Variants in SEL1L3 observed in about 807,000 individuals in gnomAD.
SEL1L3 encodes the protein SEL1L family member 3, also known as protein sel-1 homolog 3.
A neutral mutation model predicts 142.8 loss-of-function variants in SEL1L3; 76 were observed. The observed-to-expected ratio is 0.53, with a 90% CI of 0.44 to 0.64. SEL1L3 has a LOEUF of 0.64. Ranked by LOEUF, SEL1L3 falls within the 30% of genes least tolerant of loss-of-function variation. The pLI is 0.00. For missense variants in SEL1L3, 1,262 were observed against 1,381.7 expected (o/e 0.91, Z 1.37); for synonymous variants, 504 against 519.6 (o/e 0.97, Z 0.41).
rs1009889832 is a variant in SEL1L3, at chr4:25,828,871, G to A, written c.1157+1227C>T. 2.6e-5 allele frequency among the ~76,000 whole-genome samples: 4 copies of A among 152,304 alleles called. No homozygotes were observed. The East Asian group carries it at 5.8e-4, about 22-fold the overall frequency. ...CCTGCTGCAGTGAAATAACAGACTC[G>A]AAGAATAAAACACTCCTCATCCCAG... On this transcript the variant is annotated intron_variant, in intron 6 of 23. Transcript: ENST00000399878.
chr4:25,835,197 A>C lies in SEL1L3; in HGVS notation c.860T>G (p.Val287Gly). ...GCTCCCTTCTGCTACCCATCCTTAC[A>C]CTGGGTAATCCATCCTCTGGCGTCG... ...ATRRQRMDYP[V>G]FTVSLWLYLL... Residue 287 changes from valine (V) to glycine (G), a missense_variant and splice_region_variant, in exon 3 of 24, where the codon GTG becomes GGG. Transcript: ENST00000399878. 3 of 1,613,766 alleles carry C rather than the reference A, an allele frequency of 1.9e-6. No homozygotes were observed. The highest frequency in any genetic ancestry group is 2.5e-6 in the Non-Finnish European group (3 of 1,179,792).
intron 1 of SEL1L3, among the ~76,000 whole-genome samples, chr4:25,852,308 A>G (rs1229963498): frequency 1.3e-5 from 2 of 152,016 alleles, no homozygotes; most frequent in African/African-American, 4.8e-5. Context: ...ACCCACTCCC[A>G]CCTTCCCCAC....
intron 1 of SEL1L3, among the ~76,000 whole-genome samples, chr4:25,858,876 G>A (rs917005044): frequency 2.0e-5 from 3 of 152,246 alleles, no homozygotes; most frequent in Middle Eastern, 3.4e-3. Context: ...AAGACACCGC[G>A]CCCAGCCTCT....
intron 11 of SEL1L3, among the ~76,000 whole-genome samples, chr4:25,792,559 C>T (rs1262743518): frequency 6.6e-6 from 1 of 152,220 alleles, no homozygotes; most frequent in African/African-American, 2.4e-5. Flanking sequence ...TGTGCTGAAG[C>T]CTGAGCTGCC....
intron 1 of SEL1L3, among the ~76,000 whole-genome samples, chr4:25,852,004 G>C (rs1716937732): frequency 6.6e-6 from 1 of 151,920 alleles, no homozygotes; most frequent in Non-Finnish European, 1.5e-5. Context: ...TGTGGGAAGA[G>C]ATATATAAAG....
At chr4:25,856,593 TAA>T (rs397765802) in intron 1 of SEL1L3, among the ~76,000 whole-genome samples, 1,910 of 117,066 alleles carry the variant, frequency 0.016, 44 homozygotes, top group African/African-American at 0.049. Context: ...GTATTGTAAT[TAA>T]AAAAAAAAAA....
intron 15 of SEL1L3, among the ~76,000 whole-genome samples, chr4:25,780,099 C>T (rs1235101413): frequency 6.6e-6 from 1 of 152,176 alleles, no homozygotes; most frequent in African/African-American, 2.4e-5. Context: ...ATAAATGCCA[C>T]TTCCATTCTT....
rs73103938 is a variant in SEL1L3, at chr4:25,782,495, G to A, written c.2281-77C>T. ...AGCTCTGGAAGCAATTATTGTGGAA[G>A]CATTCTGCCTAAGTCTGAACAAAAC... On this transcript the variant is annotated intron_variant, in intron 14 of 23. Coordinates refer to ENST00000399878, the MANE Select transcript of SEL1L3 (RefSeq NM_015187.5). The A allele has an allele frequency of 5.8e-3, 7,462 of 1,289,982 alleles. 197 individuals carry two copies. In the African/African-American group the frequency reaches 0.077, roughly 13 times the overall value. The allele number at this position is 1,289,982 out of a possible 1,614,324, so 79.9% of individuals were successfully genotyped here.
At chr4:25,772,363 T>C (rs963627849) in intron 17 of SEL1L3, among the ~76,000 whole-genome samples, 4 of 152,032 alleles carry the variant, frequency 2.6e-5, no homozygotes, top group Non-Finnish European at 4.4e-5. Flanking sequence ...TATGGAGAAA[T>C]AGAAATTTAT....
At chr4:25,728,587 A>T in the SEL1L3 span, among the ~76,000 whole-genome samples, 115,921 of 151,972 alleles carry the variant, frequency 0.76, 44,666 homozygotes, top group African/African-American at 0.86. Flanking sequence ...CCCATACCTA[A>T]GGCTATCTTG....
At chr4:25,816,310 G>T (rs1714389019) in intron 9 of SEL1L3, among the ~76,000 whole-genome samples, 1 of 151,806 alleles carries the variant, frequency 6.6e-6, no homozygotes, top group Non-Finnish European at 1.5e-5. Flanking sequence ...GGAAACTAAG[G>T]CTCAGAGAAA....
the SEL1L3 span, among the ~76,000 whole-genome samples, chr4:25,732,579 A>G: frequency 6.6e-6 from 1 of 152,204 alleles, no homozygotes; most frequent in East Asian, 1.9e-4. Flanking sequence ...TCATTGAATG[A>G]TGACGTTCAG....
intron 1 of SEL1L3, among the ~76,000 whole-genome samples, chr4:25,849,251 T>C (rs1012517861): frequency 6.6e-6 from 1 of 152,190 alleles, no homozygotes; most frequent in African/African-American, 2.4e-5. Context: ...CATAACAGCA[T>C]TACTCACGCT....
chr4:25,714,067 C>T, the SEL1L3 span, among the ~76,000 whole-genome samples: 2 of 152,132 alleles, frequency 1.3e-5, no homozygotes, highest in Non-Finnish European at 2.9e-5. Context: ...CTTTGTCTTT[C>T]TCCAAAGTTG....
chr4:25,731,514 CGCCCAA>C, the SEL1L3 span, among the ~76,000 whole-genome samples: 1 of 152,172 alleles, frequency 6.6e-6, no homozygotes, highest in East Asian at 1.9e-4. Flanking sequence ...CCCCACACTT[CGCCCAA>C]GCAATCATTG....
chr4:25,715,936 G>T, the SEL1L3 span, among the ~76,000 whole-genome samples: 1 of 152,120 alleles, frequency 6.6e-6, no homozygotes, highest in African/African-American at 2.4e-5. Context: ...ATTTGAAGAG[G>T]CAGAGAATAG....
At chr4:25,767,212 G>T (rs1349499071) in intron 19 of SEL1L3, among the ~76,000 whole-genome samples, 1 of 152,168 alleles carries the variant, frequency 6.6e-6, no homozygotes, top group East Asian at 1.9e-4. Flanking sequence ...CTGAACCTGG[G>T]AGGTGGAGGT....
In SEL1L3 at chr4:25,847,519, C is replaced by A. The variant is rs139899954; in HGVS notation, c.508G>T (p.Ala170Ser). Residue 170 changes from alanine (A) to serine (S), a missense_variant, in exon 2 of 24, where the codon GCA becomes TCA. By Grantham distance (99) the Ala-to-Ser change is moderately conservative. This residue lies in a region of SEL1L3 where 689 missense variants were observed against 692.8 expected (regional missense o/e 0.99). Coordinates refer to ENST00000399878, the MANE Select transcript of SEL1L3 (RefSeq NM_015187.5). ...YFIRHSISVS[A>S]VIVRAWITHK... ...GTAATCCAGGCGCGTACTATCACTG[C>A]AGATACAGAGATGGAATGTCTGATG... The A allele has an allele frequency of 4.6e-4, 749 of 1,613,538 alleles. 1 individual carries two copies. Among genetic ancestry groups the A allele is most frequent in the Middle Eastern group, 4.3e-3 (26 of 6,060 alleles).
chr4:25,851,838 G>A (rs951791501), intron 1 of SEL1L3, among the ~76,000 whole-genome samples: 5 of 142,994 alleles, frequency 3.5e-5, no homozygotes, highest in East Asian at 2.0e-4. Context: ...GCAGTGAGCC[G>A]ATATCGTGCC....
Sources: allele counts gnomAD v4.1 joint callset (sites outside exome capture counted in the v4.1 genomes callset), GRCh38; gene constraint gnomAD v4.1.1; regional missense constraint gnomAD v4.1.1; transcripts MANE v1.5; gene names NCBI Gene and HGNC (gene_info 2026-07-23, HGNC 2026-07-21).